Variants in NFX1 observed in about 807,000 individuals in gnomAD.
The protein encoded by NFX1 is transcriptional repressor NF-X1.
A neutral mutation model predicts 137.2 loss-of-function variants in NFX1; 69 were observed. That is an observed-to-expected ratio of 0.50 (90% CI 0.41 to 0.61). NFX1 has a LOEUF of 0.61. Ranked by LOEUF, NFX1 falls within the 20% of genes least tolerant of loss-of-function variation. The pLI, the probability that NFX1 is intolerant of heterozygous loss-of-function variation, is 0.00. For synonymous variants in NFX1, 495 were observed against 474.1 expected, an observed-to-expected ratio of 1.04 and a Z score of -0.57; for missense variants, 1,167 against 1,391.0, an observed-to-expected ratio of 0.84 and a Z score of 2.56.
At chr9:33,351,812 T>A (rs1353716356) in intron 16 of NFX1, 22 bp downstream of exon 16, 1 of 1,542,104 alleles carries the variant, frequency 6.5e-7, no homozygotes, top group Middle Eastern at 1.8e-4. Flanking sequence ...TGGCCACAGA[T>A]GCAGCATTGA....
chr9:33,301,239 TTTG>T (rs752963245), intron 2 of NFX1, 21 bp from the exon 3 acceptor site: 91 of 1,604,934 alleles, frequency 5.7e-5, no homozygotes, highest in Non-Finnish European at 7.5e-5. Context: ...GTTAATCTTT[TTTG>T]TTATTTTGTT....
At chr9:33,355,037 A>G in intron 19 of NFX1, 145 bp downstream of exon 19, 1 of 740,882 alleles carries the variant, frequency 1.3e-6, no homozygotes. Flanking sequence ...TGCCGTTACC[A>G]AGAATTGAAT....
intron 10 of NFX1, among the ~76,000 whole-genome samples, chr9:33,330,691 C>G (rs534434786): frequency 2.6e-5 from 4 of 152,164 alleles, no homozygotes; most frequent in Admixed American, 1.3e-4. Flanking sequence ...TCTATCTCTA[C>G]GTTTTCTTGC....
intron 4 of NFX1, among the ~76,000 whole-genome samples, chr9:33,305,482 T>C (rs193299009): frequency 1.8e-4 from 27 of 152,224 alleles, no homozygotes. Flanking sequence ...GACCCTTTGA[T>C]ACCAGTCTCA....
rs1302518720 is a variant in NFX1 at position 33,301,358 on chromosome 9, T to C, written c.1129T>C (p.Cys377Arg). ...VTAPVWSCQS[C>R]YHVFHLNCIK... ...GGCCCCAGTGTGGAGTTGTCAGAGCTGTTACCATGTGTTTCATTTGAACTG... is the reference window on the plus strand; with the variant it reads ...GGCCCCAGTGTGGAGTTGTCAGAGCCGTTACCATGTGTTTCATTTGAACTG... Residue 377 changes from cysteine (C) to arginine (R), a missense_variant, in exon 3 of 24, where the codon TGT (cysteine) becomes CGT (arginine). Cys to Arg is a radical substitution (Grantham distance 180). Coordinates refer to ENST00000379540, the MANE Select transcript of NFX1 (RefSeq NM_002504.6). The C allele has an allele frequency of 6.2e-7, 1 of 1,614,230 alleles. No homozygotes were observed.
intron 9 of NFX1, among the ~76,000 whole-genome samples, chr9:33,320,729 GA>G (rs1300998801): frequency 6.6e-6 from 1 of 152,054 alleles, no homozygotes; most frequent in East Asian, 1.9e-4. Context: ...CATGCATTTA[GA>G]AAAAAATGGA....
chr9:33,293,605 T>G (rs537749150), intron 1 of NFX1, among the ~76,000 whole-genome samples: 1 of 152,264 alleles, frequency 6.6e-6, no homozygotes, highest in South Asian at 2.1e-4. Flanking sequence ...TAGTATATTC[T>G]GTATGCTACA....
intron 11 of NFX1, among the ~76,000 whole-genome samples, chr9:33,332,827 C>G (rs1293730982): frequency 6.6e-6 from 1 of 152,170 alleles, no homozygotes; most frequent in Non-Finnish European, 1.5e-5. Context: ...TGGATGTTCA[C>G]TGTAAAATAC....
chr9:33,348,803 A>G, intron 15 of NFX1: 1 of 984,436 alleles, frequency 1.0e-6, no homozygotes, highest in Non-Finnish European at 1.2e-6. Context: ...TGGCATATAA[A>G]CCACCAGACG....
chr9:33,303,629 G>A (rs1821653535), intron 4 of NFX1, among the ~76,000 whole-genome samples: 1 of 152,162 alleles, frequency 6.6e-6, no homozygotes, highest in Non-Finnish European at 1.5e-5. Flanking sequence ...GTAAATAATA[G>A]TGTTTATTTT....
chr9:33,335,838 T>G (rs897752302), intron 11 of NFX1, among the ~76,000 whole-genome samples: 6 of 152,244 alleles, frequency 3.9e-5, no homozygotes, highest in Non-Finnish European at 8.8e-5. Flanking sequence ...TAGCATGTTT[T>G]CTAAGTTTAT....
chr9:33,367,672 C>A, intron 23 of NFX1, 53 bp downstream of exon 23: 1 of 1,567,348 alleles, frequency 6.4e-7, no homozygotes, highest in Non-Finnish European at 8.8e-7. Context: ...GAAAAGCTAG[C>A]AGGGGCTGAA....
At chr9:33,344,272 A>G (rs1823331375) in intron 14 of NFX1, 84 bp downstream of exon 14, 2 of 1,576,670 alleles carry the variant, frequency 1.3e-6, no homozygotes, top group Non-Finnish European at 1.7e-6. Flanking sequence ...TCACTGCTCT[A>G]GAGTCATGCT....
At chr9:33,337,694 A>G (rs998241873) in intron 11 of NFX1, among the ~76,000 whole-genome samples, 1 of 152,100 alleles carries the variant, frequency 6.6e-6, no homozygotes, top group Non-Finnish European at 1.5e-5. Context: ...ATGCTACTGC[A>G]CTCCAGCCTG....
chr9:33,370,089 T>TGTGAG lies in NFX1; in HGVS notation c.*111_*112insGTGAG. On this transcript the variant is annotated 3_prime_UTR_variant, in exon 24 of 24. Transcript: ENST00000379540. ...TGCCTGGCAGAATCACAGTCTCACA[T>TGTGAG]ACTGTCTTGTACTGACACATCCAAA... 2.7e-6 allele frequency: 2 copies of TGTGAG among 727,300 alleles called. No homozygotes were observed. Among genetic ancestry groups the TGTGAG allele is most frequent in the Non-Finnish European group, 4.7e-6 (2 of 425,104 alleles). The allele number at this position is 727,300 out of a possible 1,614,324, so 45.1% of individuals were successfully genotyped here. A position where few individuals can be genotyped will look rare whatever the true frequency, so the allele number is the denominator to read the frequency against.
chr9:33,348,597 G>A (rs1823521543), intron 15 of NFX1: 1 of 192,438 alleles, frequency 5.2e-6, no homozygotes, highest in Admixed American at 6.5e-5. Context: ...ATGTGATGCA[G>A]ACACGAAATG....
At chr9:33,324,779 A>AT (rs1822515917) in intron 9 of NFX1, among the ~76,000 whole-genome samples, 1 of 151,588 alleles carries the variant, frequency 6.6e-6, no homozygotes, top group African/African-American at 2.4e-5. Flanking sequence ...CAAAAAAAAA[A>AT]TTAGCCAGGT....
chr9:33,317,358 G>A (rs561413224), intron 7 of NFX1, among the ~76,000 whole-genome samples: 1 of 149,368 alleles, frequency 6.7e-6, no homozygotes, highest in East Asian at 2.0e-4. Flanking sequence ...GTTTGAGGCT[G>A]CAGTGAGCTG....
chr9:33,319,064 T>A lies in NFX1; in HGVS notation c.1843T>A (p.Cys615Ser). 9 of 1,614,198 alleles carry A rather than the reference T, an allele frequency of 5.6e-6. No individual in the cohort carries two copies. Among genetic ancestry groups the A allele is most frequent in the Non-Finnish European group, 7.6e-6 (9 of 1,180,030 alleles). The change falls in exon 9 of 24, where the codon TGC becomes AGC. Residue 615 changes from cysteine to serine, a missense_variant. Physicochemically the swap from Cys to Ser is moderately radical, Grantham distance 112 (BLOSUM62 -1). Around this residue, in one of 3 missense-constraint regions of NFX1, gnomAD observed 488 missense variants for 691.5 expected, o/e 0.71. Transcript: ENST00000379540. ...ACTTGGAAGTAGTAGTCGGAAAACA[T>A]GCATGGACCCTGTGCCTTCATGTGG... ...LELGSSSRKTCMDPVPSCGKV... is the reference protein window; with the variant it reads ...LELGSSSRKTSMDPVPSCGKV...
Sources: gnomAD v4.1 joint callset for allele counts (sites outside exome capture counted in the v4.1 genomes callset) on GRCh38, gnomAD v4.1.1 for gene constraint, gnomAD v4.1.1 regional missense constraint, MANE v1.5 for transcripts, NCBI Gene and HGNC (gene_info 2026-07-23, HGNC 2026-07-21) for gene names.